The following LRRC58 variants were observed in gnomAD, a reference collection of about 807,000 sequenced individuals.
The protein encoded by LRRC58 is leucine rich repeat containing 58.
A neutral mutation model predicts 30.6 loss-of-function variants in LRRC58; 18 were observed. The ratio of observed to expected loss-of-function variants is 0.59; its 90% CI spans 0.41 to 0.87. The LOEUF (loss-of-function observed/expected upper bound fraction) is 0.87. Among genes scored for constraint, LRRC58 ranks in the 40% least tolerant of loss-of-function variants. The pLI is 0.00. For missense variants in LRRC58, 420 were observed against 468.4 expected, an observed-to-expected ratio of 0.90 and a Z score of 0.95; for synonymous variants, 221 against 206.0, an observed-to-expected ratio of 1.07 and a Z score of -0.62.
Position 120,326,132 on chromosome 3 carries a change from G to T in LRRC58, c.*5068C>A, listed in dbSNP as rs1174562630. On this transcript the variant is annotated 3_prime_UTR_variant, in exon 4 of 4. Transcript: ENST00000295628. ...ACTGAAATCATGATACCTTTAAAAA[G>T]ATACGACTATGAAAATACAAAATTG... 4 of 152,002 alleles carry T rather than the reference G, an allele frequency of 2.6e-5. No homozygotes were observed. The highest frequency in any genetic ancestry group is 5.9e-5 in the Non-Finnish European group (4 of 68,002). 9.4% of individuals were successfully genotyped at this position (152,002 alleles called of 1,614,324 possible). A position where few individuals can be genotyped will look rare whatever the true frequency, so the allele number is the denominator to read the frequency against.
At chr3:120,334,613 C>CA (rs1190378244) in intron 3 of LRRC58, among the ~76,000 whole-genome samples, 1 of 152,148 alleles carries the variant, frequency 6.6e-6, no homozygotes, top group African/African-American at 2.4e-5. Context: ...TGTTTCCTCT[C>CA]ATTTTACCAT....
At chr3:120,336,856 A>AT (rs1935841481) in intron 1 of LRRC58, among the ~76,000 whole-genome samples, 1 of 147,962 alleles carries the variant, frequency 6.8e-6, no homozygotes, top group African/African-American at 2.5e-5. Flanking sequence ...ATATATAAAA[A>AT]ATATATATTT....
In LRRC58 at chr3:120,349,185, C is replaced by A. The variant is rs752980622; in HGVS notation, c.59G>T (p.Arg20Leu). 3 of 1,489,946 alleles carry A rather than the reference C, an allele frequency of 2.0e-6. No individual in the cohort carries two copies. Among genetic ancestry groups the A allele is most frequent in the African/African-American group, 2.9e-5 (2 of 68,450 alleles). The allele number at this position is 1,489,946 out of a possible 1,614,324, so 92.3% of individuals were successfully genotyped here. A position where few individuals can be genotyped will look rare whatever the true frequency, so the allele number is the denominator to read the frequency against. Residue 20 changes from arginine to leucine, a missense_variant, in exon 1 of 4, where the codon CGC (arginine) becomes CTC (leucine). Around this residue, in one of 2 missense-constraint regions of LRRC58, gnomAD observed 266 missense variants for 251.7 expected, o/e 1.06. Transcript: ENST00000295628. ...CAGCGTCTCGGTGGACACGCTGAGG[C>A]GGGACCAGTTCAGTTCGGCCTCCCC... ...TAGEAELNWS[R>L]LSVSTETLES...
intron 1 of LRRC58, among the ~76,000 whole-genome samples, chr3:120,337,328 T>TACC (rs1935848361): frequency 6.6e-6 from 1 of 152,242 alleles, no homozygotes; most frequent in Non-Finnish European, 1.5e-5. Context: ...TAAAAAATGG[T>TACC]ACCATTCTGT....
chr3:120,339,228 G>A (rs1935873010), intron 1 of LRRC58, among the ~76,000 whole-genome samples: 1 of 151,892 alleles, frequency 6.6e-6, no homozygotes, highest in African/African-American at 2.4e-5. Context: ...ATTTTGCCAG[G>A]AGTTACCCCC....
rs1935684907 is a variant in LRRC58, at chr3:120,327,033, C to T, written c.*4167G>A. 6.6e-6 allele frequency: 1 copy of T among 152,186 alleles called. No individual in the cohort carries two copies. The highest frequency in any genetic ancestry group is 1.5e-5 in the Non-Finnish European group (1 of 68,042). 9.4% of individuals were successfully genotyped at this position (152,186 alleles called of 1,614,324 possible). A position where few individuals can be genotyped will look rare whatever the true frequency, so the allele number is the denominator to read the frequency against. On this transcript the variant is annotated 3_prime_UTR_variant, in exon 4 of 4. Coordinates refer to ENST00000295628, the MANE Select transcript of LRRC58 (RefSeq NM_001099678.2). ...GGTTGGCTGTAAGAAGATCGTATTA[C>T]TTGCTGGCCCTTAATTACGGAGGGA... is the stretch of plus-strand genomic sequence containing the variant.
At chr3:120,337,399 GT>G (rs1389910740) in intron 1 of LRRC58, among the ~76,000 whole-genome samples, 1 of 151,922 alleles carries the variant, frequency 6.6e-6, no homozygotes, top group Non-Finnish European at 1.5e-5. Flanking sequence ...TCTTTTTATG[GT>G]TTTAGACATT....
At chr3:120,333,100 A>AG (rs1046180655) in intron 3 of LRRC58, among the ~76,000 whole-genome samples, 4 of 151,648 alleles carry the variant, frequency 2.6e-5, no homozygotes, top group African/African-American at 9.7e-5. Context: ...TCAAAAAAAA[A>AG]AAAAAAGAAA....
At chr3:120,336,676 G>C (rs1328196379) in intron 1 of LRRC58, among the ~76,000 whole-genome samples, 2 of 151,620 alleles carry the variant, frequency 1.3e-5, no homozygotes, top group Non-Finnish European at 2.9e-5. Flanking sequence ...CAAAGTTCCA[G>C]GTAATTATAC....
At chr3:120,342,202 AC>A (rs1275006522) in intron 1 of LRRC58, among the ~76,000 whole-genome samples, 2 of 152,064 alleles carry the variant, frequency 1.3e-5, no homozygotes, top group Admixed American at 1.3e-4. Flanking sequence ...GTAAGGCCCC[AC>A]CTTTGGACCA....
At chr3:120,332,799 G>A (rs1040439360) in intron 3 of LRRC58, among the ~76,000 whole-genome samples, 1 of 151,746 alleles carries the variant, frequency 6.6e-6, no homozygotes, top group East Asian at 1.9e-4. Context: ...ACCCAGGCTG[G>A]AGTGCAGTGA....
At chr3:120,340,552 C>T (rs6806659) in intron 1 of LRRC58, among the ~76,000 whole-genome samples, 47,070 of 151,996 alleles carry the variant, frequency 0.31, 8,894 homozygotes, top group African/African-American at 0.52. Flanking sequence ...ATTCAAAATG[C>T]CAACTTGAAT....
At chr3:120,345,630 G>A (rs1935958395) in intron 1 of LRRC58, among the ~76,000 whole-genome samples, 3 of 152,188 alleles carry the variant, frequency 2.0e-5, no homozygotes, top group Admixed American at 1.3e-4. Flanking sequence ...TTCCTCATCT[G>A]TAAATAGAAG....
At chr3:120,348,587 A>T (rs1936006768) in intron 1 of LRRC58, among the ~76,000 whole-genome samples, 157 bp downstream of exon 1, 1 of 152,204 alleles carries the variant, frequency 6.6e-6, no homozygotes, top group Non-Finnish European at 1.5e-5. Flanking sequence ...TATTTACAAC[A>T]ACTTGCTGAG....
intron 3 of LRRC58, among the ~76,000 whole-genome samples, chr3:120,333,014 C>A (rs1476949215): frequency 6.6e-6 from 1 of 151,744 alleles, no homozygotes; most frequent in Non-Finnish European, 1.5e-5. Context: ...ATGGCGTGAA[C>A]CCCGGAGGCG....
chr3:120,340,247 T>G (rs1026209026), intron 1 of LRRC58, among the ~76,000 whole-genome samples: 4 of 152,216 alleles, frequency 2.6e-5, no homozygotes, highest in African/African-American at 9.6e-5. Flanking sequence ...TGAGCTGAAT[T>G]CCAGGAAAAT....
At position 120,330,882 on chromosome 3, in the gene LRRC58, A is replaced by G. The variant is rs980935332; in HGVS notation, c.*318T>C. The G allele has an allele frequency of 5.7e-6, 2 of 348,216 alleles. No homozygotes were observed. The highest frequency in any genetic ancestry group is 5.5e-5 in the South Asian group (2 of 36,498). 21.6% of individuals were successfully genotyped at this position (348,216 alleles called of 1,614,324 possible). ...CATCTCAATGTCCAAAAGTTATACTACTCATGACTTATTGCAGAACTGCTC... is the reference window on the plus strand; with the variant it reads ...CATCTCAATGTCCAAAAGTTATACTGCTCATGACTTATTGCAGAACTGCTC... On this transcript the variant is annotated 3_prime_UTR_variant, in exon 4 of 4. Transcript: ENST00000295628.
At chr3:120,342,634 A>G (rs1163380717) in intron 1 of LRRC58, among the ~76,000 whole-genome samples, 1 of 152,166 alleles carries the variant, frequency 6.6e-6, no homozygotes, top group Admixed American at 6.5e-5. Flanking sequence ...TACAGAGAGG[A>G]GCTACTCACT....
intron 1 of LRRC58, 106 bp downstream of exon 1, chr3:120,348,638 G>C (rs940396433): frequency 6.1e-6 from 8 of 1,303,822 alleles, no homozygotes; most frequent in Non-Finnish European, 8.2e-6. Context: ...TAAAGAGAAA[G>C]CTTGGAAATA....
Sources: gnomAD v4.1 joint callset for allele counts (sites outside exome capture counted in the v4.1 genomes callset) on GRCh38, gnomAD v4.1.1 for gene constraint, gnomAD v4.1.1 regional missense constraint, MANE v1.5 for transcripts, NCBI Gene and HGNC (gene_info 2026-07-23, HGNC 2026-07-21) for gene names.